ZNF532: variants seen among roughly 807,000 people sequenced by gnomAD.
ZNF532 encodes zinc finger protein 532.
Under a neutral mutation model 89.3 loss-of-function variants are expected in ZNF532, and 22 were observed. That is an observed-to-expected ratio of 0.25 (90% CI 0.18 to 0.35). ZNF532 has a LOEUF of 0.35. Ranked by LOEUF, ZNF532 falls within the 10% of genes least tolerant of loss-of-function variation. The pLI, the probability that ZNF532 is intolerant of heterozygous loss-of-function variation, is 1.00. For synonymous variants in ZNF532, 606 were observed against 649.6 expected (o/e 0.93, Z 1.02); for missense variants, 1,132 against 1,643.4 (o/e 0.69, Z 5.38).
chr18:58,981,886 C>T (rs763799802), intron 9 of ZNF532, among the ~76,000 whole-genome samples: 2 of 150,966 alleles, frequency 1.3e-5, no homozygotes, highest in Non-Finnish European at 2.9e-5. Context: ...CTCCTGTAAT[C>T]CCAGCTACTC....
intron 8 of ZNF532, 56 bp downstream of exon 8, chr18:58,979,223 A>T: frequency 7.0e-7 from 1 of 1,422,546 alleles, no homozygotes; most frequent in South Asian, 1.2e-5. Context: ...AACCTCTGGA[A>T]GGTTTTTAGT....
Position 58,902,692 on chromosome 18 carries a change from A to G in ZNF532, c.-17-15579A>G, listed in dbSNP as rs1015776084. Among the ~76,000 whole-genome samples, 10 of 151,950 alleles carry G rather than the reference A, an allele frequency of 6.6e-5. No individual in the cohort carries two copies. The East Asian group carries it at 7.7e-4, about 12-fold the overall frequency. On this transcript the variant is annotated intron_variant, in intron 2 of 9. Transcript: ENST00000591808. The stretch of plus-strand genomic sequence containing the variant: ...TTTTTAGTAGAGACAGGGTTTCTCC[A>G]TGTTGGTCAGGGTGGTCTCGAACTC...
At chr18:58,904,167 A>G (rs1010787462) in intron 2 of ZNF532, among the ~76,000 whole-genome samples, 3 of 152,146 alleles carry the variant, frequency 2.0e-5, no homozygotes, top group African/African-American at 7.2e-5. Flanking sequence ...CCTGGGCAAC[A>G]TAGTGAGACC....
intron 2 of ZNF532, among the ~76,000 whole-genome samples, chr18:58,898,032 T>G (rs1281889385): frequency 6.6e-6 from 1 of 152,214 alleles, no homozygotes; most frequent in Non-Finnish European, 1.5e-5. Context: ...AAATTTTTTG[T>G]CAAAGTAATA....
chr18:58,904,515 T>G (rs1294353136), intron 2 of ZNF532, among the ~76,000 whole-genome samples: 1 of 152,140 alleles, frequency 6.6e-6, no homozygotes, highest in Non-Finnish European at 1.5e-5. Flanking sequence ...CCAGTTATAT[T>G]GCTGTTGTGG....
chr18:58,873,740 T>C (rs2057189594), intron 2 of ZNF532, among the ~76,000 whole-genome samples: 1 of 152,206 alleles, frequency 6.6e-6, no homozygotes, highest in Admixed American at 6.5e-5. Flanking sequence ...CCAGTTTTGC[T>C]GATTTAACCT....
intron 5 of ZNF532, among the ~76,000 whole-genome samples, chr18:58,942,302 G>C (rs574730987): frequency 7.5e-6 from 1 of 133,516 alleles, no homozygotes; most frequent in Non-Finnish European, 1.6e-5. Context: ...GATTACAGGC[G>C]TGAGCCACCG....
At chr18:58,922,149 A>C (rs1056141081) in intron 3 of ZNF532, among the ~76,000 whole-genome samples, 1 of 152,010 alleles carries the variant, frequency 6.6e-6, no homozygotes, top group African/African-American at 2.4e-5. Context: ...CAAAGGGAGC[A>C]CTAGTTTGAG....
At chr18:58,877,948 TA>T (rs11323817) in intron 2 of ZNF532, among the ~76,000 whole-genome samples, 65,401 of 151,858 alleles carry the variant, frequency 0.43, 14,689 homozygotes, top group East Asian at 0.61. Context: ...CAGGGTAAGT[TA>T]AAGAGTCAGA....
upstream of ZNF532, chr18:58,863,408 C>G (rs1416121084): frequency 3.4e-5 from 3 of 87,696 alleles, no homozygotes; most frequent in African/African-American, 1.4e-4. Flanking sequence ...CGCGGGGCTT[C>G]GCGCTGCCGC....
intron 2 of ZNF532, among the ~76,000 whole-genome samples, chr18:58,916,883 G>GA (rs535707579): frequency 2.9e-4 from 43 of 149,666 alleles, no homozygotes; most frequent in East Asian, 9.8e-4. Context: ...GATTGTACAA[G>GA]AAAAAAAAAA....
chr18:58,888,717 ATATATAT>A (rs1347879289), intron 2 of ZNF532, among the ~76,000 whole-genome samples: 727 of 49,482 alleles, frequency 0.015, 27 homozygotes, highest in African/African-American at 0.042. Context: ...ATATATATAT[ATATATAT>A]AAATTATATA....
intron 2 of ZNF532, among the ~76,000 whole-genome samples, chr18:58,872,900 A>G (rs4940773): frequency 0.019 from 2,813 of 149,958 alleles, 53 homozygotes; most frequent in Admixed American, 0.063. Flanking sequence ...GGGTTTCACC[A>G]TGTTAGCCAG....
chr18:58,884,994 T>G (rs1421148299), intron 2 of ZNF532, among the ~76,000 whole-genome samples: 1 of 146,108 alleles, frequency 6.8e-6, no homozygotes, highest in South Asian at 2.2e-4. Flanking sequence ...TTTTTTTTTT[T>G]CTTTTTTTTT....
chr18:58,908,415 G>A lies in ZNF532; in HGVS notation c.-17-9856G>A, dbSNP rs146834724. On this transcript the variant is annotated intron_variant, in intron 2 of 9. Coordinates refer to ENST00000591808, the MANE Select transcript of ZNF532 (RefSeq NM_001375912.1). ...CTTATTAATAAATGACGAGAGTGTA[G>A]ATCGGTAAGTTGTTTCATAGAGCTG... 2.7e-3 allele frequency among the ~76,000 whole-genome samples: 416 copies of A among 152,206 alleles called. 2 individuals carry two copies. Among genetic ancestry groups the A allele is most frequent in the Admixed American group, 8.2e-3 (126 of 15,292 alleles).
chr18:58,982,028 C>T (rs886201266), intron 9 of ZNF532, among the ~76,000 whole-genome samples: 1 of 147,914 alleles, frequency 6.8e-6, no homozygotes, highest in Non-Finnish European at 1.5e-5. Context: ...AAAATCAGAC[C>T]ACACTGAAAG....
chr18:58,919,913 A>G lies in ZNF532; in HGVS notation c.1626A>G (p.Gln542=), dbSNP rs1242399505. The change falls in exon 3 of 10, where the codon CAA becomes CAG. Residue 542 remains glutamine, a synonymous_variant. Transcript: ENST00000591808. This position sits in a 1 kb window ranked among gnomAD's most constrained non-coding sequence, Gnocchi z 6.1. ...CCCAGGCCACCTCTGAACTCCGCCA[A>G]GTGCTAACCAAACCTCAGCAACAAA... The part of the protein sequence containing the change: ...QGAQATSELR[Q]VLTKPQQQIK... 6 of 1,613,886 alleles carry G rather than the reference A, an allele frequency of 3.7e-6. No homozygotes were observed. In the African/African-American group the frequency reaches 8.0e-5, roughly 22 times the overall value.
intron 2 of ZNF532, among the ~76,000 whole-genome samples, chr18:58,917,142 C>T (rs1285721083): frequency 1.3e-5 from 2 of 152,152 alleles, no homozygotes; most frequent in African/African-American, 4.8e-5. Flanking sequence ...TCCCTCTTTC[C>T]TTTCCTTCTC....
intron 5 of ZNF532, among the ~76,000 whole-genome samples, chr18:58,941,620 C>T (rs1280577991): frequency 2.0e-5 from 3 of 151,736 alleles, no homozygotes; most frequent in East Asian, 3.9e-4. Flanking sequence ...ACACGCATAC[C>T]ACCACGCCTG....
Sources: gnomAD v4.1 joint callset for allele counts (sites outside exome capture counted in the v4.1 genomes callset) on GRCh38, gnomAD v4.1.1 for gene constraint, Gnocchi (gnomAD v3.1) non-coding constraint, MANE v1.5 for transcripts, NCBI Gene and HGNC (gene_info 2026-07-23, HGNC 2026-07-21) for gene names.